SYMPK: variants seen among roughly 807,000 people sequenced by gnomAD.
SYMPK encodes the protein symplekin scaffold protein, also known as symplekin.
A neutral mutation model predicts 136.4 loss-of-function variants in SYMPK; 49 were observed. That is an observed-to-expected ratio of 0.36 (90% CI 0.29 to 0.46). The LOEUF is 0.46. SYMPK is among the 20% of genes least tolerant of loss of function. The pLI is 1.00. For synonymous variants in SYMPK, 766 were observed against 713.0 expected (o/e 1.07, Z -1.19); for missense variants, 1,365 against 1,690.0 (o/e 0.81, Z 3.37).
chr19:45,825,079 ACT>A lies in SYMPK; in HGVS notation c.2490+90_2490+91del, dbSNP rs1335626797. On this transcript the variant is annotated intron_variant, in intron 18 of 26. Coordinates refer to ENST00000245934, the MANE Select transcript of SYMPK (RefSeq NM_004819.3). ...GGTGACCACCCTTCGGGCTTGGCAC[ACT>A]CTGAGGTGGAGCAGGTTGGGGAAGA... 4.0e-6 allele frequency: 6 copies of A among 1,500,686 alleles called. No individual in the cohort carries two copies. The Admixed American group carries it at 7.7e-5, about 19-fold the overall frequency. The allele number at this position is 1,500,686 out of a possible 1,614,324, so 93.0% of individuals were successfully genotyped here.
rs1456802543 is a variant in SYMPK at position 45,820,838 on chromosome 19, A to G, written c.2893+546T>C. 5 of 432,526 alleles carry G rather than the reference A, an allele frequency of 1.2e-5. No individual in the cohort carries two copies. The East Asian group carries it at 2.1e-4, about 18-fold the overall frequency. The allele number at this position is 432,526 out of a possible 1,614,324, so 26.8% of individuals were successfully genotyped here. A position where few individuals can be genotyped will look rare whatever the true frequency, so the allele number is the denominator to read the frequency against. On this transcript the variant is annotated intron_variant, in intron 22 of 26. Coordinates refer to ENST00000245934, the MANE Select transcript of SYMPK (RefSeq NM_004819.3). The stretch of plus-strand genomic sequence containing the variant: ...CTACACAATGGAAGTGAACATACCC[A>G]CCAAGTGGCGGACCAGCAGGCTCAG...
In SYMPK at chr19:45,835,244, GA is replaced by G. The variant is rs774296443; in HGVS notation, c.1243-17del. The G allele has an allele frequency of 6.2e-5, 97 of 1,558,982 alleles. No homozygotes were observed. Among genetic ancestry groups the G allele is most frequent in the Non-Finnish European group, 7.4e-5 (85 of 1,152,384 alleles). On this transcript the variant is annotated splice_polypyrimidine_tract_variant and intron_variant, in intron 10 of 26. Transcript: ENST00000245934. Reference sequence around the variant, plus strand: ...TGATGAGGACCTGTGGGATGCCCAGGAAGAGAGCCTCTCCTTAATCATTAAC... The same window carrying G: ...TGATGAGGACCTGTGGGATGCCCAGGAGAGAGCCTCTCCTTAATCATTAAC...
chr19:45,837,859 AG>A (rs1169301436), intron 10 of SYMPK, among the ~76,000 whole-genome samples: 8 of 151,922 alleles, frequency 5.3e-5, no homozygotes, highest in Admixed American at 3.3e-4. Flanking sequence ...GGGAACTGGG[AG>A]GGGCCTGGAG....
At chr19:45,852,645 C>A (rs1229332185) in intron 3 of SYMPK, 110 bp from the exon 4 acceptor site, 9 of 1,308,960 alleles carry the variant, frequency 6.9e-6, no homozygotes, top group African/African-American at 1.4e-5. Context: ...GCAGCAGATA[C>A]ACTCATTTCA....
chr19:45,836,665 G>A (rs1971308624), intron 10 of SYMPK, among the ~76,000 whole-genome samples: 1 of 151,518 alleles, frequency 6.6e-6, no homozygotes, highest in South Asian at 2.1e-4. Context: ...TAGAGACAGG[G>A]TCTTACTCTA....
chr19:45,854,822 G>A (rs1971781914), intron 1 of SYMPK: 2 of 368,470 alleles, frequency 5.4e-6, no homozygotes, highest in Non-Finnish European at 5.2e-6. Flanking sequence ...GCAGGTCTCC[G>A]TGTGTCCCCT....
rs1315533012 is a variant in SYMPK, at chr19:45,821,932, G to A, written c.2792-447C>T. Among the ~76,000 whole-genome samples, 1 of 152,118 alleles carries A rather than the reference G, an allele frequency of 6.6e-6. No homozygotes were observed. Among genetic ancestry groups the A allele is most frequent in the Non-Finnish European group, 1.5e-5 (1 of 68,022 alleles). ...GCTGTGTGGGGCCTGGGGGAGTGGA[G>A]GGGAGGCTGGTGGAGTGGCTCTTTG... is the stretch of plus-strand genomic sequence containing the variant. On this transcript the variant is annotated intron_variant, in intron 21 of 26. Coordinates refer to ENST00000245934, the MANE Select transcript of SYMPK (RefSeq NM_004819.3). This position sits in a 1 kb window ranked among gnomAD's most constrained non-coding sequence, Gnocchi z 4.4.
Position 45,835,145 on chromosome 19 carries a change from C to T in SYMPK, c.1326G>A (p.Thr442=), listed in dbSNP as rs771698467. Residue 442 remains threonine, a synonymous_variant, in exon 11 of 27, where the codon ACG becomes ACA. Coordinates refer to ENST00000245934, the MANE Select transcript of SYMPK (RefSeq NM_004819.3). The stretch of plus-strand genomic sequence containing the variant: ...GAGCCAGGTGCTTGATCTGGGCTTC[C>T]GTGCCTGCTGACTCCACGGGGGTGT... ...AIYTPVESAG[T]EAQIKHLARL... 33 of 1,613,300 alleles carry T rather than the reference C, an allele frequency of 2.0e-5. No individual in the cohort carries two copies. In the East Asian group the frequency reaches 2.2e-4, roughly 11 times the overall value.
Position 45,816,910 on chromosome 19 carries a change from C to A in SYMPK, c.3146G>T (p.Ser1049Ile). The change falls in exon 24 of 27, where the codon AGC (serine) becomes ATC (isoleucine). Residue 1049 changes from serine (S) to isoleucine (I), a missense_variant. By Grantham distance (142) the Ser-to-Ile change is moderately radical. Coordinates refer to ENST00000245934, the MANE Select transcript of SYMPK (RefSeq NM_004819.3). ...CGGCAGCTGCAGGATGACCTGGAAG[C>A]TCTGGGGCTTTGTGCGCTGGCAGCA... ...IKCCQRTKPQSFQVILQLPPQ... is the reference protein window; with the variant it reads ...IKCCQRTKPQIFQVILQLPPQ... 7.1e-6 allele frequency: 11 copies of A among 1,556,680 alleles called. No individual in the cohort carries two copies. Among genetic ancestry groups the A allele is most frequent in the Non-Finnish European group, 9.6e-6 (11 of 1,150,080 alleles).
chr19:45,827,114 C>T (rs953904415), intron 16 of SYMPK, among the ~76,000 whole-genome samples: 1 of 152,228 alleles, frequency 6.6e-6, no homozygotes, highest in Non-Finnish European at 1.5e-5. Flanking sequence ...ACGCTGTGTC[C>T]TCACTGCTGG....
In SYMPK at chr19:45,854,218, G is replaced by A. The variant is rs751604243; in HGVS notation, c.128C>T (p.Ala43Val). ...SERVVDLLNQ[A>V]ALITNDSKIT... ...CTTTGAGTCATTGGTGATCAGCGCC[G>A]CCTGGTTCAGAAGATCCACCACCTG... is the stretch of plus-strand genomic sequence containing the variant. The change falls in exon 3 of 27, where the codon GCG becomes GTG. Residue 43 changes from alanine to valine, a missense_variant. Around this residue, in one of 11 missense-constraint regions of SYMPK, gnomAD observed 61 missense variants for 80.7 expected, o/e 0.76. Coordinates refer to ENST00000245934, the MANE Select transcript of SYMPK (RefSeq NM_004819.3). 8.7e-6 allele frequency: 14 copies of A among 1,614,014 alleles called. No individual in the cohort carries two copies. The highest frequency in any genetic ancestry group is 6.7e-5 in the East Asian group (3 of 44,898).
intron 26 of SYMPK, 49 bp downstream of exon 26, chr19:45,815,802 C>A (rs776841370): frequency 2.5e-6 from 4 of 1,597,148 alleles, no homozygotes; most frequent in South Asian, 2.2e-5. Context: ...CACCTTCACC[C>A]CGGCCCAGAT....
intron 13 of SYMPK, among the ~76,000 whole-genome samples, chr19:45,829,694 A>T (rs1273603088): frequency 6.6e-6 from 1 of 152,220 alleles, no homozygotes; most frequent in Non-Finnish European, 1.5e-5. Flanking sequence ...CAAGTGGCAG[A>T]ATCAGGACAG....
chr19:45,854,567 T>C, intron 1 of SYMPK, 60 bp from the exon 2 acceptor site: 1 of 1,422,284 alleles, frequency 7.0e-7, no homozygotes, highest in Non-Finnish European at 9.8e-7. Context: ...TGGGCTGGGC[T>C]GGATTGTCAC....
chr19:45,854,387 T>C lies in SYMPK; in HGVS notation c.105+4A>G, dbSNP rs780652091. 6.2e-7 allele frequency: 1 copy of C among 1,613,910 alleles called. No individual in the cohort carries two copies. The highest frequency in any genetic ancestry group is 8.5e-7 in the Non-Finnish European group (1 of 1,179,836). The stretch of plus-strand genomic sequence containing the variant: ...TCACTCCAAGCCCTACCCGCCACGC[T>C]CACCCTCTCTGAGGTGGTCATGCCA... On this transcript the variant is annotated splice_donor_region_variant and intron_variant, in intron 2 of 26. Transcript: ENST00000245934.
In SYMPK at chr19:45,830,048, G is replaced by A. The variant is rs746417556; in HGVS notation, c.1749+6C>T. On this transcript the variant is annotated splice_donor_region_variant and intron_variant, in intron 13 of 26. Coordinates refer to ENST00000245934, the MANE Select transcript of SYMPK (RefSeq NM_004819.3). ...AAGGATGGGGTGGGGGGTGGCAGGC[G>A]CACACCTGGGCTGCCCCGCTGCAGG... is the stretch of plus-strand genomic sequence containing the variant. 9.7e-6 allele frequency: 15 copies of A among 1,540,190 alleles called. No individual in the cohort carries two copies. The highest frequency in any genetic ancestry group is 1.2e-5 in the Non-Finnish European group (14 of 1,137,820).
Position 45,826,278 on chromosome 19 carries a change from G to A in SYMPK, c.2277C>T (p.Leu759=), listed in dbSNP as rs1343871409. 6.2e-7 allele frequency: 1 copy of A among 1,613,740 alleles called. No homozygotes were observed. The highest frequency in any genetic ancestry group is 8.5e-7 in the Non-Finnish European group (1 of 1,179,882). Residue 759 remains leucine, a synonymous_variant, in exon 17 of 27, where the codon CTC becomes CTT. Coordinates refer to ENST00000245934, the MANE Select transcript of SYMPK (RefSeq NM_004819.3). ...CAGACGGTGGGTTGGGGTGCACCAG[G>A]AGCTGCAGGTAGTTGAGGGCAAATT... ...VEKFALNYLQ[L]LVHPNPPSVL...
At chr19:45,833,556 C>T (rs551929654) in intron 11 of SYMPK, among the ~76,000 whole-genome samples, 35 of 150,400 alleles carry the variant, frequency 2.3e-4, no homozygotes, top group African/African-American at 5.9e-4. Flanking sequence ...GAGCTGAGAT[C>T]GTGCCATTGC....
At chr19:45,826,400 G>A in intron 16 of SYMPK, 27 bp from the exon 17 acceptor site, 3 of 1,612,098 alleles carry the variant, frequency 1.9e-6, no homozygotes, top group Non-Finnish European at 2.5e-6. Context: ...AGAAGGGCAG[G>A]GTCAGGGAAG....
Sources: allele counts gnomAD v4.1 joint callset (sites outside exome capture counted in the v4.1 genomes callset), GRCh38; gene constraint gnomAD v4.1.1; regional missense constraint gnomAD v4.1.1; non-coding constraint Gnocchi (gnomAD v3.1); transcripts MANE v1.5; gene names NCBI Gene and HGNC (gene_info 2026-07-23, HGNC 2026-07-21).